Variants in PLXNA2 observed in about 807,000 individuals in gnomAD.
The protein encoded by PLXNA2 is plexin-A2.
In PLXNA2, 91 loss-of-function variants were observed where a neutral mutation model predicts 193.5. The observed-to-expected ratio is 0.47, with a 90% CI of 0.40 to 0.56. The LOEUF is 0.56. Ranked by LOEUF, PLXNA2 falls within the 20% of genes least tolerant of loss-of-function variation. The pLI is 0.00. For synonymous variants in PLXNA2, 997 were observed against 1,027.3 expected, an observed-to-expected ratio of 0.97 and a Z score of 0.56; for missense variants, 1,995 against 2,503.2, an observed-to-expected ratio of 0.80 and a Z score of 4.33.
intron 3 of PLXNA2, among the ~76,000 whole-genome samples, chr1:208,186,877 G>A (rs946029240): frequency 1.1e-4 from 17 of 150,722 alleles, no homozygotes; most frequent in Admixed American, 9.2e-4. Context: ...CCGCCACCGC[G>A]CCCGGCTAAT....
rs369545013 is a variant in PLXNA2, at chr1:208,092,879, G to A, written c.2004C>T (p.Ser668=). The change falls in exon 9 of 32, where the codon AGC becomes AGT. Residue 668 remains serine, a synonymous_variant. Transcript: ENST00000367033. ...AHQLCLSCVN[S]AFRCHWCKYR... The stretch of plus-strand genomic sequence containing the variant: ...ACTTGCACCAATGGCAGCGGAAGGC[G>A]CTGTTGACACAGGACAGGCACCTGC... 6.1e-5 allele frequency: 99 copies of A among 1,613,636 alleles called. 1 individual carries two copies. In the South Asian group the frequency reaches 8.9e-4, roughly 14 times the overall value.
intron 2 of PLXNA2, among the ~76,000 whole-genome samples, chr1:208,212,819 G>C (rs148696030): frequency 6.6e-6 from 1 of 152,098 alleles, no homozygotes; most frequent in Non-Finnish European, 1.5e-5. Context: ...TACACTACAC[G>C]CAGCTACTGC....
chr1:208,221,541 G>T (rs924275102), intron 1 of PLXNA2, among the ~76,000 whole-genome samples: 1 of 152,072 alleles, frequency 6.6e-6, no homozygotes, highest in Non-Finnish European at 1.5e-5. Flanking sequence ...GGGACTGCCC[G>T]CCTGGGAGCA....
rs190678229 is a variant in PLXNA2 at position 208,197,571 on chromosome 1, G to T, written c.1371+12709C>A. Among the ~76,000 whole-genome samples the T allele has an allele frequency of 1.4e-4, 21 of 152,344 alleles. No individual in the cohort carries two copies. In the East Asian group the frequency reaches 4.0e-3, roughly 29 times the overall value. ...GGACCCTTGGAATCAGTTGTCAGTAGGGGTCTTGCCCAATCATCCACCTAG... is the reference window on the plus strand; with the variant it reads ...GGACCCTTGGAATCAGTTGTCAGTATGGGTCTTGCCCAATCATCCACCTAG... On this transcript the variant is annotated intron_variant, in intron 3 of 31. Coordinates refer to ENST00000367033, the MANE Select transcript of PLXNA2 (RefSeq NM_025179.4).
rs1025835579 is a variant in PLXNA2, at chr1:208,044,025, G to A, written c.3874+483C>T. 1.5e-4 allele frequency among the ~76,000 whole-genome samples: 23 copies of A among 152,332 alleles called. 1 individual carries two copies. The highest frequency in any genetic ancestry group is 6.5e-4 in the Admixed American group (10 of 15,306). On this transcript the variant is annotated intron_variant, in intron 20 of 31. Coordinates refer to ENST00000367033, the MANE Select transcript of PLXNA2 (RefSeq NM_025179.4). The surrounding 1 kb of genome is among the most constrained non-coding windows in gnomAD (Gnocchi z 4.9). ...ACAGCCAAGGACACCAGCAAGTGGC[G>A]GCCTTCAGAGCGCTCAGCCTGCAGC...
rs535158091 is a variant in PLXNA2, at chr1:208,082,370, G to A, written c.2395+42C>T. 4 of 1,498,790 alleles carry A rather than the reference G, an allele frequency of 2.7e-6. No homozygotes were observed. In the African/African-American group the frequency reaches 5.5e-5, roughly 21 times the overall value. The allele number at this position is 1,498,790 out of a possible 1,614,324, so 92.8% of individuals were successfully genotyped here. A position where few individuals can be genotyped will look rare whatever the true frequency, so the allele number is the denominator to read the frequency against. On this transcript the variant is annotated intron_variant, in intron 11 of 31. Transcript: ENST00000367033. This position sits in a 1 kb window ranked among gnomAD's most constrained non-coding sequence, Gnocchi z 4.2. Reference sequence around the variant, plus strand: ...CCCTCTAGCCCCAGTCTTTCCCGGGGTCGTGAAAAGATCAAACTTCTACCC... The same window carrying A: ...CCCTCTAGCCCCAGTCTTTCCCGGGATCGTGAAAAGATCAAACTTCTACCC...
intron 5 of PLXNA2, among the ~76,000 whole-genome samples, chr1:208,101,494 G>A (rs1367204676): frequency 6.6e-6 from 1 of 152,212 alleles, no homozygotes; most frequent in Non-Finnish European, 1.5e-5. Context: ...GGAGATGAGT[G>A]TCCTGGTAGG....
At chr1:208,185,711 A>AAAG in intron 3 of PLXNA2, among the ~76,000 whole-genome samples, 1 of 135,384 alleles carries the variant, frequency 7.4e-6, no homozygotes, top group East Asian at 2.1e-4. Context: ...AAAAAAAAAA[A>AAAG]AAAAAAAGGA....
chr1:208,125,383 G>T (rs1218605498), intron 4 of PLXNA2, among the ~76,000 whole-genome samples: 4 of 152,156 alleles, frequency 2.6e-5, no homozygotes, highest in African/African-American at 9.7e-5. Context: ...CATTCCATCT[G>T]CCATGGGGAA....
intron 4 of PLXNA2, among the ~76,000 whole-genome samples, chr1:208,103,835 C>T (rs893573513): frequency 6.6e-6 from 1 of 152,192 alleles, no homozygotes; most frequent in African/African-American, 2.4e-5. Flanking sequence ...ATGGGAACAT[C>T]CACAGAAAAG....
At chr1:208,049,960 T>C (rs1281929644) in intron 17 of PLXNA2, among the ~76,000 whole-genome samples, 1 of 152,238 alleles carries the variant, frequency 6.6e-6, no homozygotes, top group African/African-American at 2.4e-5. Flanking sequence ...GCATCTGCTA[T>C]AATATAATTA....
intron 1 of PLXNA2, among the ~76,000 whole-genome samples, chr1:208,242,746 G>A (rs751017572): frequency 1.3e-5 from 2 of 152,162 alleles, no homozygotes; most frequent in African/African-American, 2.4e-5. Flanking sequence ...CCAAACAGGT[G>A]GACTTTTTTC....
intron 3 of PLXNA2, among the ~76,000 whole-genome samples, chr1:208,186,634 G>T (rs1176193038): frequency 6.6e-6 from 1 of 152,148 alleles, no homozygotes; most frequent in Non-Finnish European, 1.5e-5. Context: ...AATGGGATAG[G>T]GGGAGAGTAG....
At chr1:208,054,270 C>T (rs1453862992) in intron 14 of PLXNA2, 151 bp downstream of exon 14, 5 of 564,330 alleles carry the variant, frequency 8.9e-6, no homozygotes, top group African/African-American at 1.9e-5. Context: ...AACAGCAAGA[C>T]CAGAAGTTGC....
intron 26 of PLXNA2, among the ~76,000 whole-genome samples, chr1:208,035,023 T>C (rs997123511): frequency 1.2e-4 from 18 of 152,202 alleles, no homozygotes; most frequent in Non-Finnish European, 2.9e-5. Context: ...TCTTTTTATT[T>C]TTACCTTTTT....
intron 9 of PLXNA2, among the ~76,000 whole-genome samples, chr1:208,090,212 C>A (rs1338336330): frequency 6.6e-6 from 1 of 152,116 alleles, no homozygotes; most frequent in African/African-American, 2.4e-5. Flanking sequence ...ATGCCAGGGA[C>A]CAATGCACAC....
intron 17 of PLXNA2, 116 bp from the exon 18 acceptor site, chr1:208,046,233 C>A: frequency 7.6e-7 from 1 of 1,319,440 alleles, no homozygotes; most frequent in South Asian, 1.5e-5. Context: ...GGTTTACTTG[C>A]TTGTCTCCAT....
intron 4 of PLXNA2, among the ~76,000 whole-genome samples, chr1:208,129,912 C>T (rs887330948): frequency 6.6e-5 from 10 of 152,222 alleles, no homozygotes; most frequent in Admixed American, 6.5e-4. Flanking sequence ...ATTCTTCCCT[C>T]TCCTGTCTTC....
rs781578343 is a variant in PLXNA2 at position 208,051,293 on chromosome 1, G to T, written c.3124C>A (p.Arg1042=). Residue 1042 remains arginine, a synonymous_variant, in exon 16 of 32, where the codon CGG becomes AGG. Transcript: ENST00000367033. ...NLQFEYIDDP[R]VQRIEPEWSI... ...CACTCTGGCTCGATGCGCTGGACCC[G>T]AGGGTCATCTATGTACTCAAACTGC... 4 of 1,613,100 alleles carry T rather than the reference G, an allele frequency of 2.5e-6. No homozygotes were observed. The highest frequency in any genetic ancestry group is 1.7e-4 in the Middle Eastern group (1 of 6,006).
Sources: gnomAD v4.1 joint callset for allele counts (sites outside exome capture counted in the v4.1 genomes callset) on GRCh38, gnomAD v4.1.1 for gene constraint, Gnocchi (gnomAD v3.1) non-coding constraint, MANE v1.5 for transcripts, NCBI Gene and HGNC (gene_info 2026-07-23, HGNC 2026-07-21) for gene names.